IL1RAPL1: variants seen among roughly 807,000 people sequenced by gnomAD.
IL1RAPL1 encodes interleukin 1 receptor accessory protein like 1, also known as interleukin-1 receptor accessory protein-like 1.
A neutral mutation model predicts 48.4 loss-of-function variants in IL1RAPL1; 3 were observed. The observed-to-expected ratio is 0.06, with a 90% CI of 0.03 to 0.16. IL1RAPL1 has a LOEUF of 0.16. Among genes scored for constraint, IL1RAPL1 ranks in the 10% least tolerant of loss-of-function variants. IL1RAPL1 has a pLI of 1.00. For missense variants in IL1RAPL1, 349 were observed against 530.6 expected (o/e 0.66, Z 3.36); for synonymous variants, 185 against 187.7 (o/e 0.99, Z 0.12).
At chrX:29,484,004 TAAAAA>T (rs144243686) in intron 5 of IL1RAPL1, among the ~76,000 whole-genome samples, 2 of 91,968 alleles carry the variant, frequency 2.2e-5, no homozygotes, top group South Asian at 4.9e-4. Flanking sequence ...AGTAGTCCAT[TAAAAA>T]AAAAAAAAAA....
intron 2 of IL1RAPL1, among the ~76,000 whole-genome samples, chrX:28,909,516 A>G (rs1178847168): frequency 9.0e-6 from 1 of 111,300 alleles, no homozygotes; most frequent in African/African-American, 3.2e-5. Flanking sequence ...TTTTATAAAC[A>G]TCTTCATTTT....
chrX:29,260,607 G>C (rs1019962438), intron 2 of IL1RAPL1, among the ~76,000 whole-genome samples: 3 of 111,776 alleles, frequency 2.7e-5, no homozygotes, highest in African/African-American at 6.5e-5. Context: ...GGTGAGATTT[G>C]AGTGGGGACA....
intron 2 of IL1RAPL1, among the ~76,000 whole-genome samples, chrX:28,801,523 T>A (rs766134854): frequency 8.9e-6 from 1 of 111,777 alleles, no homozygotes; most frequent in East Asian, 2.8e-4. Flanking sequence ...ATGTTAAGTA[T>A]CGTAAGTTCC....
At chrX:29,929,262 A>G (rs1006053942) in intron 8 of IL1RAPL1, among the ~76,000 whole-genome samples, 1 of 109,220 alleles carries the variant, frequency 9.2e-6, no homozygotes, top group African/African-American at 3.4e-5. Context: ...GAACTGTGAT[A>G]AAAAAAAATG....
intron 5 of IL1RAPL1, among the ~76,000 whole-genome samples, chrX:29,444,785 A>G (rs1410320328): frequency 8.9e-6 from 1 of 112,203 alleles, no homozygotes; most frequent in Non-Finnish European, 1.9e-5. Flanking sequence ...AATAAAAGGC[A>G]CACCTACCAT....
chrX:28,790,810 T>C (rs938131448), intron 2 of IL1RAPL1, among the ~76,000 whole-genome samples: 1 of 111,996 alleles, frequency 8.9e-6, no homozygotes, highest in Non-Finnish European at 1.9e-5. Context: ...ATTTCTTTAA[T>C]TGTACTATGC....
intron 2 of IL1RAPL1, among the ~76,000 whole-genome samples, chrX:29,242,753 A>G (rs941966024): frequency 6.3e-5 from 7 of 111,701 alleles, no homozygotes; most frequent in African/African-American, 2.3e-4. Flanking sequence ...CACCTTGCAT[A>G]TATTATCTCA....
Position 29,822,017 on chromosome X carries a change from C to T in IL1RAPL1, c.779-95447C>T, listed in dbSNP as rs111741412. 9.4e-3 allele frequency among the ~76,000 whole-genome samples: 1,058 copies of T among 112,060 alleles called. 13 individuals carry two copies. Among genetic ancestry groups the T allele is most frequent in the African/African-American group, 0.032 (998 of 30,860 alleles). ...GAAGCGAAGTTATCTTGGTGACCTT[C>T]TGACTTCTAGCTTATAAACCATTCA... On this transcript the variant is annotated intron_variant, in intron 6 of 10. Coordinates refer to ENST00000378993, the MANE Select transcript of IL1RAPL1 (RefSeq NM_014271.4).
intron 2 of IL1RAPL1, among the ~76,000 whole-genome samples, chrX:29,007,556 G>A (rs1926013515): frequency 8.9e-6 from 1 of 111,762 alleles, no homozygotes; most frequent in Non-Finnish European, 1.9e-5. Context: ...ATAAAACCAT[G>A]AGTTCAGTTT....
chrX:29,049,162 T>A (rs1458515548), intron 2 of IL1RAPL1, among the ~76,000 whole-genome samples: 1 of 112,291 alleles, frequency 8.9e-6, no homozygotes, highest in Non-Finnish European at 1.9e-5. Flanking sequence ...GAAGGTAACA[T>A]GCATCCCACA....
At chrX:28,692,710 A>G (rs1416368697) in intron 1 of IL1RAPL1, among the ~76,000 whole-genome samples, 2 of 112,140 alleles carry the variant, frequency 1.8e-5, no homozygotes, top group Non-Finnish European at 3.8e-5. Flanking sequence ...ATGAAACATA[A>G]ATAATGGATA....
Position 28,643,776 on chromosome X carries a change from T to C in IL1RAPL1, c.-25+55729T>C, listed in dbSNP as rs190294565. Among the ~76,000 whole-genome samples, 42 of 112,219 alleles carry C rather than the reference T, an allele frequency of 3.7e-4. No individual in the cohort carries two copies. The South Asian group carries it at 6.3e-3, about 17-fold the overall frequency. ...CATCACTTGATAGAAACAAAATTAA[T>C]TTTTCTTTTACATCTGCCTGCTTTC... On this transcript the variant is annotated intron_variant, in intron 1 of 10. Transcript: ENST00000378993.
chrX:29,751,641 A>T (rs1291474574), intron 6 of IL1RAPL1, among the ~76,000 whole-genome samples: 1 of 111,509 alleles, frequency 9.0e-6, no homozygotes, highest in Non-Finnish European at 1.9e-5. Context: ...AAAATATGGA[A>T]AAATGGACGC....
chrX:29,469,234 C>T (rs1439268845), intron 5 of IL1RAPL1, among the ~76,000 whole-genome samples: 1 of 112,056 alleles, frequency 8.9e-6, no homozygotes, highest in Non-Finnish European at 1.9e-5. Flanking sequence ...TATGATGGTA[C>T]ACCTTAGCAG....
At chrX:28,934,344 A>G (rs1341308346) in intron 2 of IL1RAPL1, among the ~76,000 whole-genome samples, 2 of 111,510 alleles carry the variant, frequency 1.8e-5, no homozygotes, top group African/African-American at 6.5e-5. Flanking sequence ...CTTCCTTGTT[A>G]TTAAAAACCT....
Position 29,775,348 on chromosome X carries a change from G to C in IL1RAPL1, c.778+106844G>C, listed in dbSNP as rs149457871. ...AAGATGGGAGATGGGAGAATGGTGT[G>C]CTTTTGTGTGTTAATGTGCCTGGGG... On this transcript the variant is annotated intron_variant, in intron 6 of 10. Coordinates refer to ENST00000378993, the MANE Select transcript of IL1RAPL1 (RefSeq NM_014271.4). Among the ~76,000 whole-genome samples the C allele has an allele frequency of 6.2e-3, 689 of 111,575 alleles. 8 individuals are homozygous for C. Among genetic ancestry groups the C allele is most frequent in the African/African-American group, 0.021 (648 of 30,762 alleles).
chrX:29,834,492 ATTTTTTTT>A (rs34399580), intron 6 of IL1RAPL1, among the ~76,000 whole-genome samples: 1 of 72,797 alleles, frequency 1.4e-5, no homozygotes, highest in Non-Finnish European at 2.7e-5. Flanking sequence ...AAGAAAAAGG[ATTTTTTTT>A]TTTTTTTTTT....
intron 1 of IL1RAPL1, among the ~76,000 whole-genome samples, chrX:28,633,886 G>A (rs1006517769): frequency 9.0e-6 from 1 of 111,409 alleles, no homozygotes. Context: ...GTATATTTAT[G>A]GGATGCAATG....
intron 3 of IL1RAPL1, among the ~76,000 whole-genome samples, chrX:29,287,414 A>G (rs1050283646): frequency 8.9e-6 from 1 of 112,392 alleles, no homozygotes; most frequent in Non-Finnish European, 1.9e-5. Context: ...TTTGGTGAAC[A>G]TAAGTTTATT....
Sources: gnomAD v4.1 joint callset for allele counts (sites outside exome capture counted in the v4.1 genomes callset) on GRCh38, gnomAD v4.1.1 for gene constraint, MANE v1.5 for transcripts, NCBI Gene and HGNC (gene_info 2026-07-23, HGNC 2026-07-21) for gene names.